YPEL2: variants seen among roughly 807,000 people sequenced by gnomAD.
The protein encoded by YPEL2 is protein yippee-like 2.
Under a neutral mutation model 19.1 loss-of-function variants are expected in YPEL2, and 2 were observed. That is an observed-to-expected ratio of 0.10 (90% CI 0.04 to 0.33). The LOEUF (loss-of-function observed/expected upper bound fraction) is 0.33, where lower values mean the gene tolerates loss of function less well. Ranked by LOEUF, YPEL2 falls within the 10% of genes least tolerant of loss-of-function variation. The pLI is 1.00. For synonymous variants in YPEL2, 52 were observed against 50.0 expected, an observed-to-expected ratio of 1.04 and a Z score of -0.17; for missense variants, 66 against 140.7, an observed-to-expected ratio of 0.47 and a Z score of 2.68.
chr17:59,368,364 G>A (rs1415457709), intron 2 of YPEL2, among the ~76,000 whole-genome samples: 9 of 152,180 alleles, frequency 5.9e-5, no homozygotes, highest in Non-Finnish European at 1.3e-4. Flanking sequence ...GATTGCAGGC[G>A]TGAACCGTGC....
chr17:59,398,489 G>A lies in YPEL2; in HGVS notation c.*1299G>A, dbSNP rs1369152951. On this transcript the variant is annotated 3_prime_UTR_variant, in exon 5 of 5. Transcript: ENST00000312655. ...TCCTGTCAGTGTGGTCCAGCAGCAG[G>A]GAGGAGTTCTGCCCAAATTCCGATA... The A allele has an allele frequency of 6.6e-6, 1 of 152,164 alleles. No individual in the cohort carries two copies. The highest frequency in any genetic ancestry group is 2.4e-5 in the African/African-American group (1 of 41,404). The allele number at this position is 152,164 out of a possible 1,614,324, so 9.4% of individuals were successfully genotyped here.
intron 2 of YPEL2, among the ~76,000 whole-genome samples, chr17:59,365,561 TTCTGTGACACTTCGGGTGGGGGGGAA>T (rs1406804248): frequency 6.6e-6 from 1 of 152,212 alleles, no homozygotes; most frequent in Admixed American, 6.5e-5. Flanking sequence ...GTTTGATTCC[TTCTGTGACACTTCGGGTGGGGGGGAA>T]TCTTTTGAAA....
At chr17:59,387,077 T>G (rs2047983857) in intron 2 of YPEL2, among the ~76,000 whole-genome samples, 3 of 151,930 alleles carry the variant, frequency 2.0e-5, no homozygotes, top group Admixed American at 6.6e-5. Context: ...CTGGCCAACA[T>G]GGTGAAACCC....
chr17:59,341,611 T>C (rs968340335), intron 1 of YPEL2, among the ~76,000 whole-genome samples: 1 of 152,148 alleles, frequency 6.6e-6, no homozygotes, highest in African/African-American at 2.4e-5. Context: ...GTGAGCCAGA[T>C]TGTGCCATTG....
chr17:59,371,609 G>A (rs535523001), intron 2 of YPEL2, among the ~76,000 whole-genome samples: 2 of 152,262 alleles, frequency 1.3e-5, no homozygotes, highest in South Asian at 4.1e-4. Context: ...ACCTCTCAGA[G>A]ATGTTTCATT....
At chr17:59,360,205 T>C (rs1034937441) in intron 2 of YPEL2, among the ~76,000 whole-genome samples, 2 of 152,198 alleles carry the variant, frequency 1.3e-5, no homozygotes, top group African/African-American at 4.8e-5. Context: ...GCCTCCCGAG[T>C]AGCTGGGACT....
intron 1 of YPEL2, among the ~76,000 whole-genome samples, chr17:59,349,934 C>T (rs900030121): frequency 1.3e-5 from 2 of 152,174 alleles, no homozygotes; most frequent in Non-Finnish European, 2.9e-5. Context: ...GCTGGGATTA[C>T]GGGCATGAGC....
intron 2 of YPEL2, among the ~76,000 whole-genome samples, chr17:59,361,931 G>C (rs1439324174): frequency 6.6e-6 from 1 of 152,180 alleles, no homozygotes; most frequent in African/African-American, 2.4e-5. Context: ...CAGAGGCAGG[G>C]AGCACACAGG....
At chr17:59,360,904 T>A (rs1276250433) in intron 2 of YPEL2, among the ~76,000 whole-genome samples, 4 of 152,168 alleles carry the variant, frequency 2.6e-5, no homozygotes, top group Non-Finnish European at 5.9e-5. Context: ...CAATCTTGGC[T>A]CACTGCAATC....
At position 59,398,571 on chromosome 17, in the gene YPEL2, G is replaced by C. The variant is rs1395359378; in HGVS notation, c.*1381G>C. ...TTAGGGAAGTGGAGAGCACATCCCTGTAAGGCCCATAAGAGAAAGAGGAGT... is the reference window on the plus strand; with the variant it reads ...TTAGGGAAGTGGAGAGCACATCCCTCTAAGGCCCATAAGAGAAAGAGGAGT... On this transcript the variant is annotated 3_prime_UTR_variant, in exon 5 of 5. Transcript: ENST00000312655. 1 of 152,190 alleles carries C rather than the reference G, an allele frequency of 6.6e-6. No individual in the cohort carries two copies. Among genetic ancestry groups the C allele is most frequent in the Non-Finnish European group, 1.5e-5 (1 of 68,056 alleles). The allele number at this position is 152,190 out of a possible 1,614,324, so 9.4% of individuals were successfully genotyped here.
At chr17:59,387,087 C>T (rs978021822) in intron 2 of YPEL2, among the ~76,000 whole-genome samples, 3 of 151,932 alleles carry the variant, frequency 2.0e-5, no homozygotes, top group African/African-American at 7.3e-5. Flanking sequence ...TGGTGAAACC[C>T]TGTCTCTACT....
intron 1 of YPEL2, among the ~76,000 whole-genome samples, chr17:59,337,588 G>T (rs2047706351): frequency 6.6e-6 from 1 of 152,256 alleles, no homozygotes; most frequent in Non-Finnish European, 1.5e-5. Flanking sequence ...TTTATAGCAT[G>T]ATAAATGCTA....
intron 2 of YPEL2, among the ~76,000 whole-genome samples, chr17:59,375,372 ATTC>A (rs2147950243): frequency 6.6e-6 from 1 of 152,358 alleles, no homozygotes; most frequent in African/African-American, 2.4e-5. Context: ...ATTCTTCAGT[ATTC>A]TTTGCTAGTT....
chr17:59,335,239 G>C (rs1007775027), intron 1 of YPEL2, among the ~76,000 whole-genome samples: 1 of 152,216 alleles, frequency 6.6e-6, no homozygotes, highest in Non-Finnish European at 1.5e-5. Flanking sequence ...GCCTGAGTTT[G>C]TTTACCTGGG....
intron 4 of YPEL2, among the ~76,000 whole-genome samples, chr17:59,396,005 C>T (rs914064704): frequency 7.2e-5 from 11 of 152,174 alleles, no homozygotes; most frequent in African/African-American, 1.7e-4. Context: ...GGCTTGAACC[C>T]GGGAGACGGA....
intron 2 of YPEL2, among the ~76,000 whole-genome samples, chr17:59,374,658 T>C (rs144070653): frequency 2.0e-5 from 3 of 152,264 alleles, no homozygotes; most frequent in Admixed American, 6.5e-5. Flanking sequence ...GAACACCTTT[T>C]AGTATGAAAT....
intron 2 of YPEL2, among the ~76,000 whole-genome samples, chr17:59,364,425 C>G (rs528334964): frequency 6.6e-6 from 1 of 152,116 alleles, no homozygotes; most frequent in Non-Finnish European, 1.5e-5. Context: ...TTCATTTATC[C>G]AAATGAGTGC....
intron 4 of YPEL2, among the ~76,000 whole-genome samples, chr17:59,396,409 G>A (rs1259602848): frequency 6.6e-6 from 1 of 152,224 alleles, no homozygotes; most frequent in Non-Finnish European, 1.5e-5. Context: ...ATATTCAGAA[G>A]TGAGAAGTAC....
At chr17:59,368,947 G>T (rs998605425) in intron 2 of YPEL2, among the ~76,000 whole-genome samples, 1 of 152,140 alleles carries the variant, frequency 6.6e-6, no homozygotes, top group Admixed American at 6.5e-5. Flanking sequence ...AAATAGTCAG[G>T]CTGGGTCCCT....
Sources: gnomAD v4.1 joint callset for allele counts (sites outside exome capture counted in the v4.1 genomes callset) on GRCh38, gnomAD v4.1.1 for gene constraint, MANE v1.5 for transcripts, NCBI Gene and HGNC (gene_info 2026-07-23, HGNC 2026-07-21) for gene names.